The following UBAC2 variants were observed in gnomAD, a reference collection of about 807,000 sequenced individuals.
The protein encoded by UBAC2 is UBA domain containing 2, also known as ubiquitin-associated domain-containing protein 2.
In UBAC2, 26 loss-of-function variants were observed where a neutral mutation model predicts 44.0. That is an observed-to-expected ratio of 0.59 (90% CI 0.43 to 0.82). The LOEUF is 0.82. Ranked by LOEUF, UBAC2 falls within the 40% of genes least tolerant of loss-of-function variation. UBAC2 has a pLI of 0.00. For synonymous variants in UBAC2, 155 were observed against 154.3 expected (o/e 1.00, Z -0.04); for missense variants, 329 against 419.4 (o/e 0.78, Z 1.88).
intron 7 of UBAC2, among the ~76,000 whole-genome samples, chr13:99,357,170 A>G (rs1424224266): frequency 3.3e-5 from 5 of 152,192 alleles, no homozygotes; most frequent in African/African-American, 1.2e-4. Flanking sequence ...TGCCTCCAGT[A>G]TTCAGCACAG....
intron 8 of UBAC2, among the ~76,000 whole-genome samples, chr13:99,374,832 G>T (rs970216650): frequency 6.6e-6 from 1 of 152,198 alleles, no homozygotes; most frequent in African/African-American, 2.4e-5. Context: ...GGCCATGTCT[G>T]CCTTGTTTGC....
At chr13:99,313,897 A>G (rs1213453389) in intron 4 of UBAC2, among the ~76,000 whole-genome samples, 200 bp from the exon 5 acceptor site, 1 of 152,238 alleles carries the variant, frequency 6.6e-6, no homozygotes, top group Non-Finnish European at 1.5e-5. Flanking sequence ...CAATAAGGAT[A>G]GAATGATTAG....
intron 1 of UBAC2, among the ~76,000 whole-genome samples, chr13:99,237,271 T>TACACACAC (rs57466771): frequency 0.083 from 12,060 of 144,802 alleles, 654 homozygotes; most frequent in Non-Finnish European, 0.13. Flanking sequence ...TATATATATA[T>TACACACAC]ACACACACAC....
At chr13:99,347,317 G>GTGCCC (rs1566514375) in intron 7 of UBAC2, among the ~76,000 whole-genome samples, 3 of 30,390 alleles carry the variant, frequency 9.9e-5, no homozygotes, top group South Asian at 1.1e-3. Context: ...CTATCCCCGG[G>GTGCCC]CGCCCCCCCC....
chr13:99,219,695 C>T (rs1405342874), intron 1 of UBAC2, among the ~76,000 whole-genome samples: 3 of 152,168 alleles, frequency 2.0e-5, no homozygotes, highest in African/African-American at 7.2e-5. Context: ...GATTAGACAT[C>T]CCTGTATTAA....
In UBAC2 at chr13:99,329,265, C is replaced by T. The variant is rs73568084; in HGVS notation, c.562-11055C>T. ...GTTTTTCTTTTTTAAAACTGGTTTGCTTATTTTAGGACACTGACTTTTAAT... is the reference window on the plus strand; with the variant it reads ...GTTTTTCTTTTTTAAAACTGGTTTGTTTATTTTAGGACACTGACTTTTAAT... On this transcript the variant is annotated intron_variant, in intron 6 of 8. Coordinates refer to ENST00000403766, the MANE Select transcript of UBAC2 (RefSeq NM_001144072.2). Among the ~76,000 whole-genome samples the T allele has an allele frequency of 3.3e-3, 500 of 152,172 alleles. 5 individuals are homozygous for T. The highest frequency in any genetic ancestry group is 0.012 in the African/African-American group (481 of 41,492).
chr13:99,356,913 G>C (rs1409718464), intron 7 of UBAC2, among the ~76,000 whole-genome samples: 3 of 152,060 alleles, frequency 2.0e-5, no homozygotes, highest in Non-Finnish European at 4.4e-5. Context: ...GGCTTTGTTT[G>C]GTTTTCTTTT....
At chr13:99,371,679 A>G (rs938114986) in intron 8 of UBAC2, among the ~76,000 whole-genome samples, 1 of 152,226 alleles carries the variant, frequency 6.6e-6, no homozygotes, top group Admixed American at 6.5e-5. Flanking sequence ...TTTAAATATC[A>G]GAGCCACGTA....
Position 99,344,082 on chromosome 13 carries a change from C to T in UBAC2, c.807+3517C>T, listed in dbSNP as rs1209691483. 3.3e-5 allele frequency among the ~76,000 whole-genome samples: 5 copies of T among 152,136 alleles called. 1 individual carries two copies. The highest frequency in any genetic ancestry group is 1.5e-5 in the Non-Finnish European group (1 of 68,032). On this transcript the variant is annotated intron_variant, in intron 7 of 8. Transcript: ENST00000403766. ...TTTCACTCTTTATCAGTAAGAAGACCACCACCATTTATTTTGCCAGTCCTA... is the reference window on the plus strand; with the variant it reads ...TTTCACTCTTTATCAGTAAGAAGACTACCACCATTTATTTTGCCAGTCCTA...
Position 99,385,608 on chromosome 13 carries a change from A to C in UBAC2, c.*273A>C. On this transcript the variant is annotated 3_prime_UTR_variant, in exon 9 of 9. Transcript: ENST00000403766. ...CAGCACTCGTTTTGAATGTGTTTAA[A>C]ATGCATTAAAATGGAAGATTTCTGC... 1 of 397,158 alleles carries C rather than the reference A, an allele frequency of 2.5e-6. No homozygotes were observed. Among genetic ancestry groups the C allele is most frequent in the Non-Finnish European group, 4.6e-6 (1 of 215,714 alleles). 24.6% of individuals were successfully genotyped at this position (397,158 alleles called of 1,614,324 possible).
In UBAC2 at chr13:99,295,025, AG is replaced by A; in HGVS notation, c.390-19071del. The A allele has an allele frequency of 1.3e-6, 2 of 1,567,220 alleles. No homozygotes were observed. Among genetic ancestry groups the A allele is most frequent in the Non-Finnish European group, 1.7e-6 (2 of 1,158,202 alleles). On this transcript the variant is annotated intron_variant, in intron 4 of 8. Transcript: ENST00000403766. This position sits in a 1 kb window ranked among gnomAD's most constrained non-coding sequence, Gnocchi z 4.1. ...GGAAGTCCTGCAAAGTTTGTCATAC[AG>A]TTTACGTCACTATAAACCAAAATAC...
chr13:99,301,027 C>T (rs1408081028), intron 4 of UBAC2, among the ~76,000 whole-genome samples: 1 of 151,258 alleles, frequency 6.6e-6, no homozygotes, highest in African/African-American at 2.4e-5. Flanking sequence ...TATCATTTAT[C>T]ATTGTATTGC....
intron 4 of UBAC2, among the ~76,000 whole-genome samples, chr13:99,268,154 CAG>C (rs2043767427): frequency 1.3e-5 from 2 of 152,204 alleles, no homozygotes; most frequent in South Asian, 4.1e-4. Flanking sequence ...CACCTAATCA[CAG>C]GGAGGCTGGG....
intron 7 of UBAC2, among the ~76,000 whole-genome samples, chr13:99,364,743 C>T (rs1236784650): frequency 6.6e-6 from 1 of 152,136 alleles, no homozygotes; most frequent in Non-Finnish European, 1.5e-5. Context: ...TTTTGTTCAA[C>T]ATCATTTGAG....
intron 7 of UBAC2, among the ~76,000 whole-genome samples, chr13:99,352,906 G>A (rs1214329442): frequency 1.3e-5 from 2 of 152,212 alleles, no homozygotes; most frequent in African/African-American, 4.8e-5. Flanking sequence ...CGGGGTAGGG[G>A]CAGTGCACGT....
At chr13:99,383,380 T>C (rs1017805349) in intron 8 of UBAC2, among the ~76,000 whole-genome samples, 1 of 152,270 alleles carries the variant, frequency 6.6e-6, no homozygotes, top group Non-Finnish European at 1.5e-5. Flanking sequence ...ATTCTAGTTT[T>C]GTTAGCTACT....
At chr13:99,310,341 A>G (rs190736238) in intron 4 of UBAC2, among the ~76,000 whole-genome samples, 1 of 152,316 alleles carries the variant, frequency 6.6e-6, no homozygotes. Context: ...TCAAGAAAAA[A>G]AGAAAGGATG....
intron 1 of UBAC2, among the ~76,000 whole-genome samples, chr13:99,234,702 A>C (rs1477201959): frequency 6.6e-6 from 1 of 152,238 alleles, no homozygotes; most frequent in Non-Finnish European, 1.5e-5. Flanking sequence ...GGATTAGCTC[A>C]GCAAGTAGCT....
intron 7 of UBAC2, among the ~76,000 whole-genome samples, chr13:99,343,032 A>C (rs1038581832): frequency 6.6e-6 from 1 of 152,198 alleles, no homozygotes; most frequent in African/African-American, 2.4e-5. Flanking sequence ...AGTCGGTGTT[A>C]GCTGGGAAGA....
Sources: gnomAD v4.1 joint callset for allele counts (sites outside exome capture counted in the v4.1 genomes callset) on GRCh38, gnomAD v4.1.1 for gene constraint, Gnocchi (gnomAD v3.1) non-coding constraint, MANE v1.5 for transcripts, NCBI Gene and HGNC (gene_info 2026-07-23, HGNC 2026-07-21) for gene names.